Variants in TMEM74 observed in about 807,000 individuals in gnomAD.
The protein encoded by TMEM74 is transmembrane protein 74.
In TMEM74, 13 loss-of-function variants were observed where a neutral mutation model predicts 18.1. That is an observed-to-expected ratio of 0.72 (90% confidence interval 0.47 to 1.14). The LOEUF is 1.14. Ranked by LOEUF, TMEM74 falls within the 50% of genes most tolerant of loss-of-function variation. The pLI is 0.00. For synonymous variants in TMEM74, 159 were observed against 146.6 expected, an observed-to-expected ratio of 1.08 and a Z score of -0.61; for missense variants, 372 against 375.9, an observed-to-expected ratio of 0.99 and a Z score of 0.09.
chr8:108,768,425 C>T (rs3019894), intron 1 of TMEM74, among the ~76,000 whole-genome samples: 39,163 of 152,078 alleles, frequency 0.26, 5,514 homozygotes, highest in Middle Eastern at 0.33. Flanking sequence ...ATCCTATCAT[C>T]TGAGTGTTCT....
downstream of TMEM74, among the ~76,000 whole-genome samples, chr8:108,776,492 TAAAAC>T (rs1002769748): frequency 1.3e-5 from 2 of 152,180 alleles, no homozygotes; most frequent in African/African-American, 4.8e-5. Context: ...GATTCTGTCT[TAAAAC>T]AAAAGGTAAT....
intron 1 of TMEM74, among the ~76,000 whole-genome samples, chr8:108,771,007 G>C (rs1007851508): frequency 6.6e-6 from 1 of 152,114 alleles, no homozygotes; most frequent in Non-Finnish European, 1.5e-5. Flanking sequence ...TAACAATCCT[G>C]ACATCAGAAT....
intron 2 of TMEM74, among the ~76,000 whole-genome samples, chr8:108,635,674 A>G (rs559714949): frequency 6.6e-6 from 1 of 152,180 alleles, no homozygotes; most frequent in South Asian, 2.1e-4. Flanking sequence ...GCTGACATCT[A>G]TTCATTAAAA....
At chr8:108,624,760 G>T (rs1812478310) in intron 2 of TMEM74, among the ~76,000 whole-genome samples, 2 of 151,966 alleles carry the variant, frequency 1.3e-5, no homozygotes, top group African/African-American at 4.8e-5. Flanking sequence ...AAAGACCATA[G>T]TAAAGATAAA....
At chr8:108,694,331 A>C (rs535315094) in intron 1 of TMEM74, among the ~76,000 whole-genome samples, 1 of 151,910 alleles carries the variant, frequency 6.6e-6, no homozygotes. Flanking sequence ...AGCCATAAAA[A>C]GATATGATAC....
At chr8:108,728,067 C>T (rs566802206) in intron 1 of TMEM74, among the ~76,000 whole-genome samples, 29 of 152,060 alleles carry the variant, frequency 1.9e-4, no homozygotes, top group Non-Finnish European at 3.4e-4. Context: ...TGTCAACTCC[C>T]GATGAAATGT....
chr8:108,707,734 A>T (rs1185929480), intron 1 of TMEM74, among the ~76,000 whole-genome samples: 1 of 152,220 alleles, frequency 6.6e-6, no homozygotes, highest in Non-Finnish European at 1.5e-5. Context: ...AGAAACTCTA[A>T]AAATCTTAGA....
chr8:108,774,190 C>T (rs574320238), downstream of TMEM74, among the ~76,000 whole-genome samples: 9 of 152,296 alleles, frequency 5.9e-5, no homozygotes, highest in South Asian at 1.9e-3. Context: ...GTGGAACAGA[C>T]TGGCTAGCTG....
intron 1 of TMEM74, among the ~76,000 whole-genome samples, chr8:108,677,714 G>C (rs1813068685): frequency 6.6e-6 from 1 of 152,038 alleles, no homozygotes; most frequent in Non-Finnish European, 1.5e-5. Context: ...CAGTTATTCT[G>C]ACTGTGTTTT....
chr8:108,659,986 A>T (rs1238731740), intron 1 of TMEM74, among the ~76,000 whole-genome samples: 1 of 152,174 alleles, frequency 6.6e-6, no homozygotes, highest in Non-Finnish European at 1.5e-5. Context: ...TGACCAAGGC[A>T]TCAGGCCTGC....
At chr8:108,681,572 C>T (rs1813115693) in intron 1 of TMEM74, among the ~76,000 whole-genome samples, 1 of 152,128 alleles carries the variant, frequency 6.6e-6, no homozygotes, top group Non-Finnish European at 1.5e-5. Flanking sequence ...ATTAGCTCCT[C>T]CTATAGACCA....
rs1018264740 is a variant in TMEM74 at position 108,783,867 on chromosome 8, T to G, written c.*314A>C. On this transcript the variant is annotated 3_prime_UTR_variant, in exon 2 of 2. Transcript: ENST00000297459. ...TCCAAAGAATAACATCATATATTTGTGTAAAAGAAATAATTTGTAGACTGG... is the reference window on the plus strand; with the variant it reads ...TCCAAAGAATAACATCATATATTTGGGTAAAAGAAATAATTTGTAGACTGG... 2.9e-4 allele frequency: 58 copies of G among 203,010 alleles called. No individual in the cohort carries two copies. Among genetic ancestry groups the G allele is most frequent in the Non-Finnish European group, 1.1e-4 (11 of 101,686 alleles). 12.6% of individuals were successfully genotyped at this position (203,010 alleles called of 1,614,324 possible). A position where few individuals can be genotyped will look rare whatever the true frequency, so the allele number is the denominator to read the frequency against.
intron 3 of TMEM74, among the ~76,000 whole-genome samples, chr8:108,608,317 A>G (rs912723459): frequency 2.7e-5 from 4 of 150,896 alleles, no homozygotes; most frequent in Admixed American, 2.6e-4. Context: ...AAAAAAAAGA[A>G]AAAAAGAAAA....
chr8:108,627,303 C>T (rs1163764152), intron 2 of TMEM74, among the ~76,000 whole-genome samples: 1 of 151,968 alleles, frequency 6.6e-6, no homozygotes, highest in African/African-American at 2.4e-5. Flanking sequence ...CTCCTGTGGG[C>T]ATCTATGCCA....
At chr8:108,660,577 A>G (rs1304463473) in intron 1 of TMEM74, among the ~76,000 whole-genome samples, 1 of 152,168 alleles carries the variant, frequency 6.6e-6, no homozygotes, top group African/African-American at 2.4e-5. Context: ...TAACACATCA[A>G]TAATATTGTC....
At chr8:108,740,507 T>G (rs1813789665) in intron 1 of TMEM74, among the ~76,000 whole-genome samples, 1 of 152,196 alleles carries the variant, frequency 6.6e-6, no homozygotes, top group Non-Finnish European at 1.5e-5. Flanking sequence ...TGCACTTTGC[T>G]TTATAGTGCT....
rs140289449 is a variant in TMEM74 at position 108,656,328 on chromosome 8, T to C, written n.120-891A>G. Among the ~76,000 whole-genome samples, 992 of 152,292 alleles carry C rather than the reference T, an allele frequency of 6.5e-3. 7 individuals carry two copies. The highest frequency in any genetic ancestry group is 0.023 in the African/African-American group (939 of 41,564). Reference sequence around the variant, plus strand: ...ATAAGTTTGCTTAGTTCAGGGCTCATAATCGGGAAGCTCATTGTTGTCACA... The same window carrying C: ...ATAAGTTTGCTTAGTTCAGGGCTCACAATCGGGAAGCTCATTGTTGTCACA... On this transcript the variant is annotated intron_variant and non_coding_transcript_variant, in intron 1 of 3. Transcript: ENST00000518838.
At chr8:108,681,678 T>A (rs75061641) in intron 1 of TMEM74, among the ~76,000 whole-genome samples, 5,680 of 152,246 alleles carry the variant, frequency 0.037, 156 homozygotes, top group East Asian at 0.12. Flanking sequence ...TAGTCCATTA[T>A]AGGAAGTGAC....
intron 2 of TMEM74, among the ~76,000 whole-genome samples, chr8:108,631,092 GA>G (rs1395931364): frequency 6.6e-6 from 1 of 151,986 alleles, no homozygotes; most frequent in African/African-American, 2.4e-5. Context: ...TTGGACATGG[GA>G]AGAACACTAC....
Sources: allele counts gnomAD v4.1 joint callset (sites outside exome capture counted in the v4.1 genomes callset), GRCh38; gene constraint gnomAD v4.1.1; transcripts MANE v1.5; gene names NCBI Gene and HGNC (gene_info 2026-07-23, HGNC 2026-07-21).